ITPKA: variants seen among roughly 807,000 people sequenced by gnomAD.
The protein encoded by ITPKA is IP3 3-kinase A.
A neutral mutation model predicts 40.7 loss-of-function variants in ITPKA; 16 were observed. The observed-to-expected ratio is 0.39, with a 90% CI of 0.27 to 0.60. The LOEUF (loss-of-function observed/expected upper bound fraction) is 0.60, where lower values mean the gene tolerates loss of function less well. Ranked by LOEUF, ITPKA falls within the 20% of genes least tolerant of loss-of-function variation. The probability of loss-of-function intolerance (pLI) is 0.50; values close to 1 mark genes in which losing one functional copy is unlikely to be tolerated. For missense variants in ITPKA, 540 were observed against 649.3 expected, an observed-to-expected ratio of 0.83 and a Z score of 1.83; for synonymous variants, 313 against 289.9, an observed-to-expected ratio of 1.08 and a Z score of -0.81.
At position 41,503,088 on chromosome 15, in the gene ITPKA, G is replaced by A. The variant is rs376410292; in HGVS notation, c.1308G>A (p.Glu436=). Residue 436 remains glutamate (E), a synonymous_variant, in exon 7 of 7, where the codon GAG becomes GAA. Transcript: ENST00000260386. ...GQILDHRRPW[E]EGNREDGYLL... is the part of the protein sequence containing the mutation. ...TCCTGGACCACCGGCGGCCCTGGGA[G>A]GAGGGCAACCGCGAGGACGGCTATT... is the stretch of plus-strand genomic sequence containing the variant. The A allele has an allele frequency of 1.9e-5, 30 of 1,606,516 alleles. No individual in the cohort carries two copies. The highest frequency in any genetic ancestry group is 1.8e-4 in the East Asian group (8 of 44,606).
intron 6 of ITPKA, 26 bp downstream of exon 6, chr15:41,502,885 G>C (rs772792808): frequency 5.2e-5 from 83 of 1,608,904 alleles, no homozygotes; most frequent in Admixed American, 4.0e-4. Context: ...CCGGGTGCCC[G>C]GGCCGCGAGG....
rs746773192 is a variant in ITPKA, at chr15:41,494,440, A to G, written c.489+24A>G. 7 of 1,383,636 alleles carry G rather than the reference A, an allele frequency of 5.1e-6. No homozygotes were observed. The highest frequency in any genetic ancestry group is 3.1e-5 in the Admixed American group (1 of 32,508). 85.7% of individuals were successfully genotyped at this position (1,383,636 alleles called of 1,614,324 possible). A position where few individuals can be genotyped will look rare whatever the true frequency, so the allele number is the denominator to read the frequency against. ...AGGTACGGGCCGCGGGGGCGGGGCC[A>G]GCGCCGGGCGCGGGGGCTGCACGGG... On this transcript the variant is annotated intron_variant, in intron 1 of 6. Coordinates refer to ENST00000260386, the MANE Select transcript of ITPKA (RefSeq NM_002220.3). The surrounding 1 kb of genome is among the most constrained non-coding windows in gnomAD (Gnocchi z 7.8).
Position 41,494,356 on chromosome 15 carries a change from C to A in ITPKA, c.429C>A (p.Ser143Arg). 1 of 1,512,328 alleles carries A rather than the reference C, an allele frequency of 6.6e-7. No individual in the cohort carries two copies. 93.7% of individuals were successfully genotyped at this position (1,512,328 alleles called of 1,614,324 possible). A position where few individuals can be genotyped will look rare whatever the true frequency, so the allele number is the denominator to read the frequency against. ...AGGACTCGGAGGACGACCTGCTGAG[C>A]GACAGTGAGAGCCGGAGCCGCGGCA... ...LLEDSEDDLL[S>R]DSESRSRGNV... Residue 143 changes from serine to arginine, a missense_variant, in exon 1 of 7, where the codon AGC becomes AGA. Transcript: ENST00000260386. This position sits in a 1 kb window ranked among gnomAD's most constrained non-coding sequence, Gnocchi z 7.8.
intron 1 of ITPKA, among the ~76,000 whole-genome samples, chr15:41,496,701 G>GA (rs1489452734): frequency 6.6e-6 from 1 of 152,208 alleles, no homozygotes; most frequent in Non-Finnish European, 1.5e-5. Context: ...CCTGGACTCA[G>GA]AATTCCCACA....
Position 41,496,638 on chromosome 15 carries a change from T to C in ITPKA, c.489+2222T>C, listed in dbSNP as rs562350190. ...GGGTGTTTGGCTCCTGTTCATCTGGTTTTCTTCTTTCTGTGCTCCAGGATA... is the reference window on the plus strand; with the variant it reads ...GGGTGTTTGGCTCCTGTTCATCTGGCTTTCTTCTTTCTGTGCTCCAGGATA... On this transcript the variant is annotated intron_variant, in intron 1 of 6. Transcript: ENST00000260386. Among the ~76,000 whole-genome samples, 3 of 152,250 alleles carry C rather than the reference T, an allele frequency of 2.0e-5. No homozygotes were observed. The East Asian group carries it at 5.8e-4, about 29-fold the overall frequency.
chr15:41,495,041 T>G (rs1216326251), intron 1 of ITPKA, among the ~76,000 whole-genome samples: 2 of 152,082 alleles, frequency 1.3e-5, no homozygotes, highest in African/African-American at 4.8e-5. Context: ...GGCTCGCCGC[T>G]CCTGAGCGCG....
rs1359271959 is a variant in ITPKA at position 41,494,452 on chromosome 15, G to T, written c.489+36G>T. 1.5e-5 allele frequency: 20 copies of T among 1,357,648 alleles called. No individual in the cohort carries two copies. The highest frequency in any genetic ancestry group is 1.5e-5 in the Non-Finnish European group (16 of 1,045,664). The allele number at this position is 1,357,648 out of a possible 1,614,324, so 84.1% of individuals were successfully genotyped here. On this transcript the variant is annotated intron_variant, in intron 1 of 6. Transcript: ENST00000260386. The surrounding 1 kb of genome is among the most constrained non-coding windows in gnomAD (Gnocchi z 7.8). ...CGGGGGCGGGGCCAGCGCCGGGCGC[G>T]GGGGCTGCACGGGGGACCTGGCTGG...
chr15:41,495,767 C>T (rs1595447593), intron 1 of ITPKA, among the ~76,000 whole-genome samples: 1 of 152,376 alleles, frequency 6.6e-6, no homozygotes. Context: ...GCCTGAGCAG[C>T]AGCTCCCGGG....
chr15:41,499,235 G>C (rs565221153), intron 1 of ITPKA, among the ~76,000 whole-genome samples: 56 of 152,318 alleles, frequency 3.7e-4, no homozygotes, highest in African/African-American at 1.3e-3. Flanking sequence ...TGAAAGTGAT[G>C]TCATGCTTCT....
At chr15:41,497,052 C>T (rs2140672685) in intron 1 of ITPKA, among the ~76,000 whole-genome samples, 1 of 152,296 alleles carries the variant, frequency 6.6e-6, no homozygotes, top group Non-Finnish European at 1.5e-5. Flanking sequence ...GAGCAGGTGT[C>T]TTCAAGGCTT....
In ITPKA at chr15:41,503,526, C is replaced by T; in HGVS notation, c.*360C>T. On this transcript the variant is annotated 3_prime_UTR_variant, in exon 7 of 7. Coordinates refer to ENST00000260386, the MANE Select transcript of ITPKA (RefSeq NM_002220.3). ...ACGTCTCACACCACGACGGACTCCC[C>T]TTCCTAATAAAACTCAAAGACAAGA... 1.7e-6 allele frequency: 1 copy of T among 589,434 alleles called. No individual in the cohort carries two copies. 36.5% of individuals were successfully genotyped at this position (589,434 alleles called of 1,614,324 possible). A position where few individuals can be genotyped will look rare whatever the true frequency, so the allele number is the denominator to read the frequency against.
In ITPKA at chr15:41,496,508, C is replaced by T. The variant is rs903210123; in HGVS notation, c.489+2092C>T. 2.6e-5 allele frequency among the ~76,000 whole-genome samples: 4 copies of T among 152,196 alleles called. No individual in the cohort carries two copies. In the East Asian group the frequency reaches 7.7e-4, roughly 29 times the overall value. Reference sequence around the variant, plus strand: ...AAGTCACAGGCAGGCTTTTCCTAACCAGCCAGGGGAGAAGTTGGAGGCCCA... The same window carrying T: ...AAGTCACAGGCAGGCTTTTCCTAACTAGCCAGGGGAGAAGTTGGAGGCCCA... On this transcript the variant is annotated intron_variant, in intron 1 of 6. Coordinates refer to ENST00000260386, the MANE Select transcript of ITPKA (RefSeq NM_002220.3).
rs1473449715 is a variant in ITPKA at position 41,502,530 on chromosome 15, G to T, written c.1110+27G>T. The T allele has an allele frequency of 3.0e-6, 4 of 1,351,476 alleles. No individual in the cohort carries two copies. In the East Asian group the frequency reaches 9.3e-5, roughly 32 times the overall value. 83.7% of individuals were successfully genotyped at this position (1,351,476 alleles called of 1,614,324 possible). A position where few individuals can be genotyped will look rare whatever the true frequency, so the allele number is the denominator to read the frequency against. On this transcript the variant is annotated intron_variant, in intron 5 of 6. Coordinates refer to ENST00000260386, the MANE Select transcript of ITPKA (RefSeq NM_002220.3). The stretch of plus-strand genomic sequence containing the variant: ...TGAGAGCGGGATCCCAAACCCTGAG[G>T]TGTTGGGGAGCCTGAAGCCGAGGAC...
Position 41,494,470 on chromosome 15 carries a change from C to T in ITPKA, c.489+54C>T, listed in dbSNP as rs2051056176. ...CGGGCGCGGGGGCTGCACGGGGGAC[C>T]TGGCTGGGTGCTCCCGGAGGACCCG... On this transcript the variant is annotated intron_variant, in intron 1 of 6. Coordinates refer to ENST00000260386, the MANE Select transcript of ITPKA (RefSeq NM_002220.3). This position sits in a 1 kb window ranked among gnomAD's most constrained non-coding sequence, Gnocchi z 7.8. The T allele has an allele frequency of 8.1e-7, 1 of 1,236,824 alleles. No homozygotes were observed. The highest frequency in any genetic ancestry group is 3.1e-5 in the East Asian group (1 of 32,150). 76.6% of individuals were successfully genotyped at this position (1,236,824 alleles called of 1,614,324 possible). A position where few individuals can be genotyped will look rare whatever the true frequency, so the allele number is the denominator to read the frequency against.
In ITPKA at chr15:41,493,876, T is replaced by A; in HGVS notation, c.-52T>A. On this transcript the variant is annotated 5_prime_UTR_variant, in exon 1 of 7. Coordinates refer to ENST00000260386, the MANE Select transcript of ITPKA (RefSeq NM_002220.3). ...AGCCGGGGGCGCCGAGCCGCTCCAG[T>A]CCCCGGCGCGCCGCGGGCTGGTGGG... The A allele has an allele frequency of 1.0e-6, 1 of 991,570 alleles. No individual in the cohort carries two copies. Among genetic ancestry groups the A allele is most frequent in the Non-Finnish European group, 1.2e-6 (1 of 835,530 alleles). 61.4% of individuals were successfully genotyped at this position (991,570 alleles called of 1,614,324 possible).
chr15:41,502,502 TG>T lies in ITPKA; in HGVS notation c.1110+1del. On this transcript the variant is annotated frameshift_variant and splice_region_variant, in exon 5 of 7. Coordinates refer to ENST00000260386, the MANE Select transcript of ITPKA (RefSeq NM_002220.3). LOFTEE classifies it high-confidence loss of function. ...EEFVQGDEEV[L>X]RRYLNRLQQI... ...TTTGTGCAAGGAGATGAGGAAGTGC[TG>T]GTGAGAGCGGGATCCCAAACCCTGA... 1 of 1,556,544 alleles carries T rather than the reference TG, an allele frequency of 6.4e-7. No homozygotes were observed. The highest frequency in any genetic ancestry group is 8.9e-7 in the Non-Finnish European group (1 of 1,128,832).
chr15:41,501,876 T>G (rs1206110131), intron 3 of ITPKA, 25 bp downstream of exon 3: 1 of 1,607,646 alleles, frequency 6.2e-7, no homozygotes, highest in Non-Finnish European at 8.5e-7. Context: ...CCAGGTCGGT[T>G]GGGGGGATCA....
chr15:41,494,046 C>A lies in ITPKA; in HGVS notation c.119C>A (p.Ala40Glu). ...GGGGAGCTGCGCCTGCTCTTCGAGG[C>A]GCGCTGTGCGGCGGTCGCTGCGGCC... ...SVGELRLLFE[A>E]RCAAVAAAAA... Residue 40 changes from alanine to glutamate, a missense_variant, in exon 1 of 7, where the codon GCG (alanine) becomes GAG (glutamate). Ala to Glu is a moderately radical substitution (Grantham distance 107, BLOSUM62 -1). Transcript: ENST00000260386. This position sits in a 1 kb window ranked among gnomAD's most constrained non-coding sequence, Gnocchi z 7.8. 1 of 1,214,024 alleles carries A rather than the reference C, an allele frequency of 8.2e-7. No homozygotes were observed. Among genetic ancestry groups the A allele is most frequent in the Non-Finnish European group, 1.0e-6 (1 of 977,784 alleles). 75.2% of individuals were successfully genotyped at this position (1,214,024 alleles called of 1,614,324 possible).
chr15:41,493,991 G>A lies in ITPKA; in HGVS notation c.64G>A (p.Gly22Arg). 1 of 1,137,894 alleles carries A rather than the reference G, an allele frequency of 8.8e-7. No individual in the cohort carries two copies. Among genetic ancestry groups the A allele is most frequent in the Non-Finnish European group, 1.1e-6 (1 of 928,062 alleles). 70.5% of individuals were successfully genotyped at this position (1,137,894 alleles called of 1,614,324 possible). ...GGGGGGCGCGAGGCCCTGCAGCCCGGGGCTGGAGCGGGCCCCGCGCCGGAG... is the reference window on the plus strand; with the variant it reads ...GGGGGGCGCGAGGCCCTGCAGCCCGAGGCTGGAGCGGGCCCCGCGCCGGAG... The part of the protein sequence containing the change: ...RPGGARPCSP[G>R]LERAPRRSVG... The change falls in exon 1 of 7, where the codon GGG (glycine) becomes AGG (arginine). Residue 22 changes from glycine to arginine, a missense_variant. Physicochemically the swap from Gly to Arg is moderately radical, Grantham distance 125. Coordinates refer to ENST00000260386, the MANE Select transcript of ITPKA (RefSeq NM_002220.3).
Sources: allele counts gnomAD v4.1 joint callset (sites outside exome capture counted in the v4.1 genomes callset), GRCh38; gene constraint gnomAD v4.1.1; non-coding constraint Gnocchi (gnomAD v3.1); transcripts MANE v1.5; gene names NCBI Gene and HGNC (gene_info 2026-07-23, HGNC 2026-07-21).